Variants in AHCYL2 observed in about 807,000 individuals in gnomAD.
The protein encoded by AHCYL2 is adenosylhomocysteinase like 2, also known as S-adenosylhomocysteine hydrolase-like protein 2.
In AHCYL2, 28 loss-of-function variants were observed where a neutral mutation model predicts 81.4. The ratio of observed to expected loss-of-function variants is 0.34; its 90% CI spans 0.25 to 0.47. The LOEUF is 0.47. AHCYL2 is among the 20% of genes least tolerant of loss of function. The pLI is 1.00. For missense variants in AHCYL2, 551 were observed against 785.1 expected, an observed-to-expected ratio of 0.70 and a Z score of 3.56; for synonymous variants, 272 against 290.2, an observed-to-expected ratio of 0.94 and a Z score of 0.64.
intron 6 of AHCYL2, among the ~76,000 whole-genome samples, chr7:129,401,274 G>A (rs1796018002): frequency 6.7e-6 from 1 of 150,370 alleles, no homozygotes; most frequent in African/African-American, 2.4e-5. Context: ...AGGTTGCAGT[G>A]AGCCGAGATC....
chr7:129,237,581 T>C (rs1794685328), intron 1 of AHCYL2, among the ~76,000 whole-genome samples: 1 of 152,004 alleles, frequency 6.6e-6, no homozygotes, highest in African/African-American at 2.4e-5. Flanking sequence ...TTATGTAGAT[T>C]AGTTTATGTT....
chr7:129,332,860 G>T (rs1054294295), intron 1 of AHCYL2, among the ~76,000 whole-genome samples: 1 of 152,210 alleles, frequency 6.6e-6, no homozygotes, highest in Non-Finnish European at 1.5e-5. Context: ...ACTATAAGAA[G>T]GGTAGAAATT....
chr7:129,232,599 C>T (rs1794486667), intron 1 of AHCYL2, among the ~76,000 whole-genome samples: 1 of 152,208 alleles, frequency 6.6e-6, no homozygotes, highest in African/African-American at 2.4e-5. Context: ...ATTCCTTTAC[C>T]ACTCTCTTCA....
chr7:129,423,174 T>C (rs968832065), intron 13 of AHCYL2, among the ~76,000 whole-genome samples: 1 of 152,214 alleles, frequency 6.6e-6, no homozygotes, highest in African/African-American at 2.4e-5. Context: ...ATCCACAGGT[T>C]GAGTTAGATA....
intron 1 of AHCYL2, among the ~76,000 whole-genome samples, chr7:129,358,793 G>T (rs1039366577): frequency 7.2e-5 from 11 of 152,126 alleles, no homozygotes; most frequent in African/African-American, 2.7e-4. Flanking sequence ...GTTGGTAATG[G>T]TAGTGGTGGT....
intron 1 of AHCYL2, among the ~76,000 whole-genome samples, chr7:129,363,034 G>A (rs956725961): frequency 1.5e-4 from 23 of 152,062 alleles, no homozygotes; most frequent in Non-Finnish European, 2.6e-4. Context: ...CGATAGTATC[G>A]AGTCAATACT....
intron 12 of AHCYL2, among the ~76,000 whole-genome samples, chr7:129,416,854 G>A (rs75126306): frequency 1 from 152,172 of 152,176 alleles, 76,084 homozygotes; most frequent in Middle Eastern, 1. Flanking sequence ...GTGGTGGTGG[G>A]CGCCTGTAAT....
chr7:129,424,505 G>A (rs1173671891), intron 13 of AHCYL2, among the ~76,000 whole-genome samples: 8 of 152,172 alleles, frequency 5.3e-5, no homozygotes, highest in South Asian at 2.1e-4. Flanking sequence ...ACTGATCATT[G>A]TTTATTTCAA....
chr7:129,264,503 G>A (rs991159517), intron 1 of AHCYL2, among the ~76,000 whole-genome samples: 1 of 152,188 alleles, frequency 6.6e-6, no homozygotes, highest in Non-Finnish European at 1.5e-5. Context: ...GAAAGGAGAT[G>A]ACCGAGAGAT....
intron 6 of AHCYL2, among the ~76,000 whole-genome samples, chr7:129,402,573 G>A (rs1342866581): frequency 1.3e-5 from 2 of 152,170 alleles, no homozygotes; most frequent in African/African-American, 4.8e-5. Flanking sequence ...TCACAGCCTC[G>A]TGCCTAACAA....
intron 1 of AHCYL2, among the ~76,000 whole-genome samples, chr7:129,233,162 A>G (rs954570734): frequency 2.0e-5 from 3 of 152,094 alleles, no homozygotes; most frequent in Non-Finnish European, 4.4e-5. Context: ...CTCACTGCGA[A>G]TTATTTCTTC....
At chr7:129,243,562 T>C in intron 1 of AHCYL2, among the ~76,000 whole-genome samples, 1 of 106,554 alleles carries the variant, frequency 9.4e-6, no homozygotes, top group South Asian at 2.9e-4. Context: ...GTTATGTCTT[T>C]TGTTTGTTTT....
intron 12 of AHCYL2, among the ~76,000 whole-genome samples, chr7:129,415,980 A>G (rs1435353587): frequency 6.6e-6 from 1 of 152,100 alleles, no homozygotes; most frequent in Non-Finnish European, 1.5e-5. Context: ...CTGAGGTTAC[A>G]GTGAGCCGCG....
chr7:129,360,742 T>C (rs969817244), intron 1 of AHCYL2, among the ~76,000 whole-genome samples: 1 of 152,196 alleles, frequency 6.6e-6, no homozygotes, highest in Non-Finnish European at 1.5e-5. Context: ...CATATGCCTA[T>C]GTGTGCTTTC....
chr7:129,359,568 T>C (rs1306683583), intron 1 of AHCYL2, among the ~76,000 whole-genome samples: 1 of 152,234 alleles, frequency 6.6e-6, no homozygotes, highest in Non-Finnish European at 1.5e-5. Context: ...TTTAATGGCA[T>C]TATGTTTCAT....
chr7:129,269,515 C>A (rs1795930465), intron 1 of AHCYL2, among the ~76,000 whole-genome samples: 1 of 152,058 alleles, frequency 6.6e-6, no homozygotes, highest in African/African-American at 2.4e-5. Context: ...TCTTGAACTC[C>A]TGAGCTCGTG....
intron 1 of AHCYL2, 134 bp downstream of exon 1, chr7:129,225,573 A>G: frequency 7.4e-7 from 1 of 1,355,786 alleles, no homozygotes; most frequent in Non-Finnish European, 9.4e-7. Context: ...GTCCCCTTAA[A>G]CCCACTCTCT....
At chr7:129,370,056 G>C (rs1294978220) in intron 1 of AHCYL2, among the ~76,000 whole-genome samples, 2 of 152,142 alleles carry the variant, frequency 1.3e-5, no homozygotes, top group East Asian at 3.9e-4. Flanking sequence ...CCACGTTAAG[G>C]TATCAAACTT....
intron 1 of AHCYL2, among the ~76,000 whole-genome samples, chr7:129,246,272 G>A (rs1795053407): frequency 6.6e-6 from 1 of 152,064 alleles, no homozygotes; most frequent in South Asian, 2.1e-4. Flanking sequence ...TGGTCAGGCT[G>A]GTCTTGAACT....
Sources: allele counts gnomAD v4.1 joint callset (sites outside exome capture counted in the v4.1 genomes callset), GRCh38; gene constraint gnomAD v4.1.1; transcripts MANE v1.5; gene names NCBI Gene and HGNC (gene_info 2026-07-23, HGNC 2026-07-21).